Variants in PDK1 observed in about 807,000 individuals in gnomAD.
PDK1 encodes [Pyruvate dehydrogenase (acetyl-transferring)] kinase isozyme 1, mitochondrial.
A neutral mutation model predicts 54.2 loss-of-function variants in PDK1; 39 were observed. That is an observed-to-expected ratio of 0.72 (90% CI 0.56 to 0.94). PDK1 has a LOEUF of 0.94. Ranked by LOEUF, PDK1 falls within the 40% of genes least tolerant of loss-of-function variation. PDK1 has a pLI of 0.00. For synonymous variants in PDK1, 221 were observed against 207.1 expected, an observed-to-expected ratio of 1.07 and a Z score of -0.58; for missense variants, 552 against 566.0, an observed-to-expected ratio of 0.98 and a Z score of 0.25.
downstream of PDK1, among the ~76,000 whole-genome samples, chr2:172,611,452 A>T (rs934141401): frequency 2.6e-5 from 4 of 152,076 alleles, no homozygotes; most frequent in Admixed American, 6.6e-5. Context: ...TCAAACATTT[A>T]AAAAAAATTA....
downstream of PDK1, among the ~76,000 whole-genome samples, chr2:172,610,919 A>C (rs1469471526): frequency 6.6e-6 from 1 of 152,186 alleles, no homozygotes; most frequent in Non-Finnish European, 1.5e-5. Flanking sequence ...GCCTCTATTT[A>C]AAATTCTTTA....
chr2:172,694,251 C>T, the PDK1 span, among the ~76,000 whole-genome samples: 1 of 152,184 alleles, frequency 6.6e-6, no homozygotes, highest in Non-Finnish European at 1.5e-5. Flanking sequence ...TTGCACTGCC[C>T]TAATGCAATG....
chr2:172,577,071 A>G (rs1382275877), intron 8 of PDK1, among the ~76,000 whole-genome samples: 1 of 152,024 alleles, frequency 6.6e-6, no homozygotes, highest in Non-Finnish European at 1.5e-5. Context: ...TTATTGTTGA[A>G]TTGTCTATTT....
the PDK1 span, among the ~76,000 whole-genome samples, chr2:172,713,676 C>T: frequency 2.0e-5 from 3 of 152,254 alleles, no homozygotes; most frequent in African/African-American, 7.2e-5. Flanking sequence ...CGCGGGCAGG[C>T]ACTTCTGTGC....
At chr2:172,705,301 C>T in the PDK1 span, among the ~76,000 whole-genome samples, 6 of 152,318 alleles carry the variant, frequency 3.9e-5, no homozygotes, top group South Asian at 1.0e-3. Context: ...GTCCAACAGT[C>T]CCTTTCTTCC....
chr2:172,591,967 T>C (rs901942527), intron 9 of PDK1, among the ~76,000 whole-genome samples: 3 of 152,230 alleles, frequency 2.0e-5, no homozygotes, highest in Admixed American at 6.5e-5. Context: ...CCTTATTACT[T>C]ACTGAGTACC....
chr2:172,562,134 C>T, intron 2 of PDK1, 86 bp from the exon 3 acceptor site: 1 of 746,802 alleles, frequency 1.3e-6, no homozygotes, highest in Non-Finnish European at 2.3e-6. Flanking sequence ...TTATAAAATG[C>T]TAAAAATAGC....
the PDK1 span, among the ~76,000 whole-genome samples, chr2:172,680,199 C>G: frequency 6.6e-6 from 1 of 152,140 alleles, no homozygotes; most frequent in African/African-American, 2.4e-5. Flanking sequence ...TAATTGTTTA[C>G]TTGCCAGAAT....
At chr2:172,634,260 TTATATTA>T in the PDK1 span, among the ~76,000 whole-genome samples, 22 of 138,102 alleles carry the variant, frequency 1.6e-4, no homozygotes, top group African/African-American at 5.8e-4. Context: ...TGAAATCTAT[TTATATTA>T]TTATTATTAT....
At chr2:172,714,742 T>C in the PDK1 span, among the ~76,000 whole-genome samples, 1 of 152,168 alleles carries the variant, frequency 6.6e-6, no homozygotes, top group Non-Finnish European at 1.5e-5. Flanking sequence ...TGCTAGAATG[T>C]GACTGGATAC....
chr2:172,708,080 T>C, the PDK1 span, among the ~76,000 whole-genome samples: 1 of 152,034 alleles, frequency 6.6e-6, no homozygotes. Context: ...GGTGAGTAGA[T>C]TGCTTGAGTC....
the PDK1 span, among the ~76,000 whole-genome samples, chr2:172,637,772 T>C: frequency 6.6e-6 from 1 of 152,192 alleles, no homozygotes; most frequent in Admixed American, 6.5e-5. Context: ...CTTGGCTCAC[T>C]GCAACCTCCA....
At chr2:172,659,420 C>T in the PDK1 span, among the ~76,000 whole-genome samples, 2 of 152,198 alleles carry the variant, frequency 1.3e-5, no homozygotes, top group African/African-American at 4.8e-5. Flanking sequence ...TCAACCCTAA[C>T]TGCATCTTTG....
rs1164806201 is a variant in PDK1, at chr2:172,601,261, T to C, written c.*5292T>C. On this transcript the variant is annotated 3_prime_UTR_variant, in exon 11 of 11. Coordinates refer to ENST00000282077, the MANE Select transcript of PDK1 (RefSeq NM_002610.5). ...CAAAAGGATGAAATACACAAGAAAATGAGAGAATTTAAGAGGAGTAGCAAA... is the reference window on the plus strand; with the variant it reads ...CAAAAGGATGAAATACACAAGAAAACGAGAGAATTTAAGAGGAGTAGCAAA... 1 of 151,528 alleles carries C rather than the reference T, an allele frequency of 6.6e-6. No individual in the cohort carries two copies. Among genetic ancestry groups the C allele is most frequent in the Non-Finnish European group, 1.5e-5 (1 of 67,924 alleles). 9.4% of individuals were successfully genotyped at this position (151,528 alleles called of 1,614,324 possible). A position where few individuals can be genotyped will look rare whatever the true frequency, so the allele number is the denominator to read the frequency against.
the PDK1 span, among the ~76,000 whole-genome samples, chr2:172,661,029 G>A: frequency 1.3e-5 from 2 of 152,222 alleles, no homozygotes; most frequent in Non-Finnish European, 2.9e-5. Context: ...ACGTTGGGGG[G>A]TTGGTATGGG....
the PDK1 span, among the ~76,000 whole-genome samples, chr2:172,695,209 T>C: frequency 3.9e-5 from 6 of 152,178 alleles, no homozygotes; most frequent in Middle Eastern, 3.2e-3. Flanking sequence ...TAGCCTATGA[T>C]GAAATTGGTT....
chr2:172,662,959 C>T, the PDK1 span, among the ~76,000 whole-genome samples: 11 of 152,274 alleles, frequency 7.2e-5, no homozygotes, highest in South Asian at 1.7e-3. Context: ...ACCTGTGGCC[C>T]AGTGCCTGAT....
chr2:172,624,868 A>G, the PDK1 span, among the ~76,000 whole-genome samples: 2 of 151,926 alleles, frequency 1.3e-5, no homozygotes. Flanking sequence ...TGCACCTGTA[A>G]TCCCAGCTAC....
the PDK1 span, among the ~76,000 whole-genome samples, chr2:172,666,879 A>G: frequency 2.6e-5 from 4 of 152,256 alleles, no homozygotes; most frequent in African/African-American, 4.8e-5. Flanking sequence ...AACTCATTGT[A>G]CTTAACAATT....
Sources: gnomAD v4.1 joint callset for allele counts (sites outside exome capture counted in the v4.1 genomes callset) on GRCh38, gnomAD v4.1.1 for gene constraint, MANE v1.5 for transcripts, NCBI Gene and HGNC (gene_info 2026-07-23, HGNC 2026-07-21) for gene names.